Variants in BBS9 observed in about 807,000 individuals in gnomAD.
BBS9 encodes Bardet-Biedl syndrome 9.
Under a neutral mutation model 117.7 loss-of-function variants are expected in BBS9, and 89 were observed. The ratio of observed to expected loss-of-function variants is 0.76; its 90% CI spans 0.64 to 0.90. The LOEUF (loss-of-function observed/expected upper bound fraction) is 0.90, where lower values mean the gene tolerates loss of function less well. BBS9 is among the 40% of genes least tolerant of loss of function. The pLI, the probability that BBS9 is intolerant of heterozygous loss-of-function variation, is 0.00. For missense variants in BBS9, 982 were observed against 1,042.2 expected (o/e 0.94, Z 0.80); for synonymous variants, 379 against 370.9 (o/e 1.02, Z -0.25).
chr7:33,370,714 G>T (rs1822696592), intron 17 of BBS9, among the ~76,000 whole-genome samples: 1 of 152,050 alleles, frequency 6.6e-6, no homozygotes, highest in Non-Finnish European at 1.5e-5. Context: ...GCTTTCCTAA[G>T]GTCCAGATCC....
rs117323450 is a variant in BBS9 at position 33,324,129 on chromosome 7, C to T, written c.1017-12312C>T. On this transcript the variant is annotated intron_variant, in intron 9 of 22. Transcript: ENST00000242067. ...TTGGGATTACAGGCATGAGCCACCA[C>T]GCTTGGACCCCTGTCTTCCTTTTAG... 5.6e-3 allele frequency among the ~76,000 whole-genome samples: 849 copies of T among 152,164 alleles called. 4 individuals are homozygous for T. The highest frequency in any genetic ancestry group is 9.0e-3 in the Non-Finnish European group (609 of 67,980).
chr7:33,273,523 A>T (rs889442783), intron 8 of BBS9, among the ~76,000 whole-genome samples: 1 of 152,180 alleles, frequency 6.6e-6, no homozygotes, highest in East Asian at 1.9e-4. Context: ...TAATAGAATG[A>T]ATTATCTGTA....
At chr7:33,263,403 G>A (rs1798290765) in intron 6 of BBS9, among the ~76,000 whole-genome samples, 1 of 152,088 alleles carries the variant, frequency 6.6e-6, no homozygotes, top group Non-Finnish European at 1.5e-5. Context: ...AAAGGCATCT[G>A]TGAGTCTGTA....
At chr7:33,246,564 G>A (rs893595566) in intron 5 of BBS9, among the ~76,000 whole-genome samples, 1 of 151,586 alleles carries the variant, frequency 6.6e-6, no homozygotes, top group Non-Finnish European at 1.5e-5. Context: ...TATCATGATT[G>A]GCTATTACCT....
chr7:33,132,252 G>T (rs1297817509), intron 1 of BBS9, among the ~76,000 whole-genome samples: 1 of 152,138 alleles, frequency 6.6e-6, no homozygotes, highest in Non-Finnish European at 1.5e-5. Context: ...TTTAGGTACC[G>T]CACATCACTT....
intron 1 of BBS9, among the ~76,000 whole-genome samples, chr7:33,141,964 C>G (rs1216473387): frequency 6.6e-6 from 1 of 150,768 alleles, no homozygotes; most frequent in Non-Finnish European, 1.5e-5. Context: ...GAGATGGAGT[C>G]TCGCTCTTTT....
chr7:33,386,703 C>T (rs1376425545), intron 18 of BBS9, among the ~76,000 whole-genome samples: 2 of 151,876 alleles, frequency 1.3e-5, no homozygotes, highest in Non-Finnish European at 2.9e-5. Flanking sequence ...ACTGTGTTAG[C>T]CAGGATGGTC....
At chr7:33,617,807 C>T (rs1259829949) in intron 21 of BBS9, among the ~76,000 whole-genome samples, 1 of 152,146 alleles carries the variant, frequency 6.6e-6, no homozygotes, top group Non-Finnish European at 1.5e-5. Flanking sequence ...AGGAAAGAAT[C>T]AGAGAGCCCA....
At chr7:33,280,099 G>A (rs1481306141) in intron 9 of BBS9, among the ~76,000 whole-genome samples, 3 of 152,072 alleles carry the variant, frequency 2.0e-5, no homozygotes, top group Non-Finnish European at 4.4e-5. Context: ...CCTAGGCTAG[G>A]TCCACAATAG....
intron 9 of BBS9, among the ~76,000 whole-genome samples, chr7:33,333,537 A>G (rs1007150445): frequency 1.3e-5 from 2 of 152,188 alleles, no homozygotes; most frequent in Admixed American, 1.3e-4. Flanking sequence ...TCTTCAGCCA[A>G]CAAACATATA....
intron 20 of BBS9, among the ~76,000 whole-genome samples, chr7:33,532,973 C>A (rs947149605): frequency 7.2e-5 from 11 of 152,188 alleles, no homozygotes; most frequent in African/African-American, 2.7e-4. Flanking sequence ...GAGTCACATT[C>A]ACAGCAACAC....
At chr7:33,320,551 A>G (rs887385236) in intron 9 of BBS9, among the ~76,000 whole-genome samples, 23 of 152,194 alleles carry the variant, frequency 1.5e-4, no homozygotes, top group African/African-American at 5.5e-4. Context: ...TGCAATAAAC[A>G]TGAGACTGGA....
At chr7:33,260,237 G>C (rs772588453) in intron 6 of BBS9, among the ~76,000 whole-genome samples, 10 of 151,924 alleles carry the variant, frequency 6.6e-5, no homozygotes, top group Admixed American at 5.9e-4. Context: ...CCTGAGCTCA[G>C]GCAGTCTGCC....
chr7:33,383,686 GA>G lies in BBS9; in HGVS notation c.1812del (p.Glu604AspfsTer9), dbSNP rs1229015450. 3.0e-5 allele frequency: 48 copies of G among 1,608,424 alleles called. No individual in the cohort carries two copies. Among genetic ancestry groups the G allele is most frequent in the Non-Finnish European group, 3.9e-5 (46 of 1,176,744 alleles). Reference sequence around the variant, plus strand: ...CTCAGAACGATATCGCATTCAGAGTGAACAATTTGAAGATCTTTGGCTCATA... The same window carrying G: ...CTCAGAACGATATCGCATTCAGAGTGACAATTTGAAGATCTTTGGCTCATA... Reference protein sequence around the residue: ...KTSQRYRIQSEQFEDLWLITN... With the variant: ...KTSQRYRIQSXQFEDLWLITN... On this transcript the variant is annotated frameshift_variant, in exon 18 of 23. Transcript: ENST00000242067. LOFTEE classifies it high-confidence loss of function.
chr7:33,201,196 C>T (rs1456300096), intron 5 of BBS9, among the ~76,000 whole-genome samples: 1 of 152,002 alleles, frequency 6.6e-6, no homozygotes, highest in Admixed American at 6.6e-5. Flanking sequence ...AGGATGAAGA[C>T]TTTTTCTTCA....
intron 20 of BBS9, among the ~76,000 whole-genome samples, chr7:33,508,640 G>A (rs766777633): frequency 2.0e-5 from 3 of 152,140 alleles, no homozygotes; most frequent in Non-Finnish European, 4.4e-5. Flanking sequence ...AGTTCACTTA[G>A]GAAACACAAA....
rs748008026 is a variant in BBS9 at position 33,476,830 on chromosome 7, A to G, written c.2116-28633A>G. 9.2e-5 allele frequency among the ~76,000 whole-genome samples: 14 copies of G among 152,238 alleles called. No individual in the cohort carries two copies. The East Asian group carries it at 1.3e-3, about 15-fold the overall frequency. The stretch of plus-strand genomic sequence containing the variant: ...TCTTGTTAAGAGATGTTGTTTTTAA[A>G]ATAAAGTGTAAATTAAGTATGTATA... On this transcript the variant is annotated intron_variant, in intron 19 of 22. Coordinates refer to ENST00000242067, the MANE Select transcript of BBS9 (RefSeq NM_198428.3).
At position 33,257,321 on chromosome 7, in the gene BBS9, T is replaced by G. The variant is rs757308943; in HGVS notation, c.528T>G (p.Pro176=). ...GCTATGCTTTTGGAAGATTTCTCCC[T>G]GGCTTTCTTCTGCCTGGTCCTCTTG... ...QESYAFGRFL[P]GFLLPGPLAY... Residue 176 remains proline, a synonymous_variant, in exon 6 of 23, where the codon CCT becomes CCG. Coordinates refer to ENST00000242067, the MANE Select transcript of BBS9 (RefSeq NM_198428.3). 7.4e-6 allele frequency: 12 copies of G among 1,613,894 alleles called. No homozygotes were observed. The highest frequency in any genetic ancestry group is 8.5e-6 in the Non-Finnish European group (10 of 1,179,810).
At chr7:33,546,864 A>G (rs1853462496) in intron 21 of BBS9, among the ~76,000 whole-genome samples, 2 of 152,158 alleles carry the variant, frequency 1.3e-5, no homozygotes, top group African/African-American at 2.4e-5. Flanking sequence ...TACTTGTGTT[A>G]TAGAGTACAA....
Sources: allele counts gnomAD v4.1 joint callset (sites outside exome capture counted in the v4.1 genomes callset), GRCh38; gene constraint gnomAD v4.1.1; transcripts MANE v1.5; gene names NCBI Gene and HGNC (gene_info 2026-07-23, HGNC 2026-07-21).